SHANK2: variants seen among roughly 807,000 people sequenced by gnomAD.
SHANK2 encodes SH3 and multiple ankyrin repeat domains 2, also known as SH3 and multiple ankyrin repeat domains protein 2.
SHANK2 carries 43 observed loss-of-function variants against 133.7 expected under a neutral mutation model. The observed-to-expected ratio is 0.32, with a 90% CI of 0.25 to 0.41. The LOEUF (loss-of-function observed/expected upper bound fraction) is 0.41. Among genes scored for constraint, SHANK2 ranks in the 10% least tolerant of loss-of-function variants. The pLI is 1.00. For missense variants in SHANK2, 1,994 were observed against 2,235.8 expected (o/e 0.89, Z 2.18); for synonymous variants, 1,017 against 952.8 (o/e 1.07, Z -1.24).
chr11:70,592,721 C>T (rs1017683348), intron 17 of SHANK2, among the ~76,000 whole-genome samples: 1 of 152,192 alleles, frequency 6.6e-6, no homozygotes, highest in Non-Finnish European at 1.5e-5. Context: ...TTCGGCCCAT[C>T]ATCTAAGCAA....
chr11:70,507,919 G>T (rs1591518670), intron 17 of SHANK2, among the ~76,000 whole-genome samples: 1 of 152,234 alleles, frequency 6.6e-6, no homozygotes, highest in Non-Finnish European at 1.5e-5. Flanking sequence ...GCAAGAGCGG[G>T]GCTTGTGATT....
rs782327395 is a variant in SHANK2, at chr11:70,485,552, C to T, written c.4741G>A (p.Ala1581Thr). 23 of 1,612,166 alleles carry T rather than the reference C, an allele frequency of 1.4e-5. No homozygotes were observed. Among genetic ancestry groups the T allele is most frequent in the African/African-American group, 5.3e-5 (4 of 74,838 alleles). The change falls in exon 25 of 26, where the codon GCT (alanine) becomes ACT (threonine). Residue 1581 changes from alanine to threonine, a missense_variant. By Grantham distance (58) the Ala-to-Thr change is moderately conservative. Coordinates refer to ENST00000601538, the MANE Select transcript of SHANK2 (RefSeq NM_012309.5). This position sits in a 1 kb window ranked among gnomAD's most constrained non-coding sequence, Gnocchi z 5.8. ...GCACTGCCCGGCGGGGGCGGGGGAG[C>T]GGGCGGGGGGATAACAAAGCTATCT... ...DVDSFVIPPP[A>T]PPPPPGSAQP...
intron 17 of SHANK2, chr11:70,603,503 A>C (rs2060528051): frequency 6.6e-6 from 1 of 152,476 alleles, no homozygotes; most frequent in African/African-American, 2.4e-5. Flanking sequence ...AGTCCAGCAG[A>C]ACCTTTGCTC....
intron 17 of SHANK2, among the ~76,000 whole-genome samples, chr11:70,578,582 T>C (rs1233291224): frequency 6.6e-6 from 1 of 152,016 alleles, no homozygotes; most frequent in Non-Finnish European, 1.5e-5. Context: ...CCCTGTGGAG[T>C]AGACAGCGTG....
At chr11:70,929,466 T>A (rs1950473243) in intron 10 of SHANK2, among the ~76,000 whole-genome samples, 1 of 152,178 alleles carries the variant, frequency 6.6e-6, no homozygotes, top group South Asian at 2.1e-4. Context: ...AGGGCAGCAT[T>A]CCTCCTGGAG....
intron 15 of SHANK2, among the ~76,000 whole-genome samples, chr11:70,680,939 A>C (rs1237347202): frequency 1.3e-5 from 2 of 151,934 alleles, no homozygotes; most frequent in Non-Finnish European, 2.9e-5. Context: ...ATACTCCCAC[A>C]CTCTTCCTAG....
At chr11:70,724,039 CTTT>C (rs11342822) in intron 14 of SHANK2, among the ~76,000 whole-genome samples, 3 of 143,848 alleles carry the variant, frequency 2.1e-5, no homozygotes. Flanking sequence ...AAAGTTCATT[CTTT>C]TTTTTTTTTT....
chr11:70,710,009 C>T (rs12421506), intron 14 of SHANK2, among the ~76,000 whole-genome samples: 53,598 of 151,852 alleles, frequency 0.35, 10,483 homozygotes, highest in Non-Finnish European at 0.45. Context: ...ATTCCCTGGC[C>T]GCTGGACTTG....
chr11:71,187,264 G>T (rs1460722339), intron 2 of SHANK2, among the ~76,000 whole-genome samples: 1 of 152,174 alleles, frequency 6.6e-6, no homozygotes, highest in African/African-American at 2.4e-5. Context: ...AGACATGAGG[G>T]GTAGATATTG....
intron 17 of SHANK2, among the ~76,000 whole-genome samples, chr11:70,512,087 G>T (rs988053558): frequency 9.2e-5 from 14 of 152,154 alleles, no homozygotes; most frequent in Non-Finnish European, 4.4e-5. Flanking sequence ...ACACTGTGAT[G>T]GAAAAGGATG....
intron 1 of SHANK2, among the ~76,000 whole-genome samples, chr11:71,248,729 T>C (rs10501406): frequency 0.07 from 10,633 of 152,258 alleles, 428 homozygotes; most frequent in Middle Eastern, 0.13. Context: ...TGGGTCATTC[T>C]GCCAAAGGCC....
chr11:71,166,486 TC>T lies in SHANK2; in HGVS notation c.-12-19149del, dbSNP rs1184018422. Among the ~76,000 whole-genome samples the T allele has an allele frequency of 2.0e-4, 30 of 149,110 alleles. 4 individuals are homozygous for T. The highest frequency in any genetic ancestry group is 2.1e-4 in the Non-Finnish European group (14 of 67,280). ...CAATCCACACGTCTTTTTTTTCTTT[TC>T]TTTTTTTTTTGAGATGGAGTTTCGC... On this transcript the variant is annotated intron_variant, in intron 2 of 25. Coordinates refer to ENST00000601538, the MANE Select transcript of SHANK2 (RefSeq NM_012309.5).
chr11:71,167,053 C>T (rs1195180487), intron 2 of SHANK2, among the ~76,000 whole-genome samples: 20 of 151,072 alleles, frequency 1.3e-4, no homozygotes, highest in African/African-American at 4.8e-4. Context: ...GCCCTTAATC[C>T]ATTTAACCCT....
intron 11 of SHANK2, among the ~76,000 whole-genome samples, chr11:70,859,383 C>T (rs1232959285): frequency 1.9e-4 from 28 of 151,226 alleles, no homozygotes; most frequent in Admixed American, 7.2e-4. Flanking sequence ...AGTAGGTGGA[C>T]GGAAAGATGG....
Position 70,714,261 on chromosome 11 carries a change from A to G in SHANK2, c.1778-15498T>C, listed in dbSNP as rs193182174. Among the ~76,000 whole-genome samples, 156 of 152,350 alleles carry G rather than the reference A, an allele frequency of 1.0e-3. 1 individual carries two copies. Among genetic ancestry groups the G allele is most frequent in the African/African-American group, 3.7e-3 (152 of 41,590 alleles). ...GGACACGGAGGAGAAGGAGAGAAAGAGCCACATGCCCAGATCACCGTGGCG... is the reference window on the plus strand; with the variant it reads ...GGACACGGAGGAGAAGGAGAGAAAGGGCCACATGCCCAGATCACCGTGGCG... On this transcript the variant is annotated intron_variant, in intron 14 of 25. Transcript: ENST00000601538.
At position 70,473,297 on chromosome 11, in the gene SHANK2, G is replaced by A. The variant is rs1555149218; in HGVS notation, c.5122C>T (p.Pro1708Ser). 6.2e-7 allele frequency: 1 copy of A among 1,614,004 alleles called. No individual in the cohort carries two copies. Among genetic ancestry groups the A allele is most frequent in the Admixed American group, 1.7e-5 (1 of 60,028 alleles). Residue 1708 changes from proline (P) to serine (S), a missense_variant, in exon 26 of 26, where the codon CCA becomes TCA. Around this residue, in one of 5 missense-constraint regions of SHANK2, gnomAD observed 797 missense variants for 907.4 expected, o/e 0.88. Coordinates refer to ENST00000601538, the MANE Select transcript of SHANK2 (RefSeq NM_012309.5). The surrounding 1 kb of genome is among the most constrained non-coding windows in gnomAD (Gnocchi z 5.9). ...TCTGTTGGCGAGACCACAGGGCTTG[G>A]GGCACGTCTTGTTCCTGAGGTCCTG... ...ESRTSGTRRA[P>S]SPVVSPTEMN...
intron 14 of SHANK2, among the ~76,000 whole-genome samples, chr11:70,771,554 C>T (rs1476796509): frequency 1.3e-5 from 2 of 151,990 alleles, no homozygotes; most frequent in African/African-American, 2.4e-5. Context: ...GGGTATCCAT[C>T]GGGTCGGACG....
At chr11:70,885,411 G>C (rs1949723582) in intron 11 of SHANK2, among the ~76,000 whole-genome samples, 4 of 152,298 alleles carry the variant, frequency 2.6e-5, no homozygotes, top group South Asian at 4.1e-4. Flanking sequence ...GCACCATGGG[G>C]GATCCGCAGT....
intron 6 of SHANK2, among the ~76,000 whole-genome samples, chr11:71,109,394 C>G (rs1252693013): frequency 1.3e-5 from 2 of 152,146 alleles, no homozygotes; most frequent in East Asian, 3.9e-4. Context: ...GCCACTGAAC[C>G]CTGTGATACA....
Sources: gnomAD v4.1 joint callset for allele counts (sites outside exome capture counted in the v4.1 genomes callset) on GRCh38, gnomAD v4.1.1 for gene constraint, gnomAD v4.1.1 regional missense constraint, Gnocchi (gnomAD v3.1) non-coding constraint, MANE v1.5 for transcripts, NCBI Gene and HGNC (gene_info 2026-07-23, HGNC 2026-07-21) for gene names.